CDK5RAP2: variants seen among roughly 807,000 people sequenced by gnomAD.
CDK5RAP2 encodes the protein CDK5 regulatory subunit-associated protein 2.
A neutral mutation model predicts 232.9 loss-of-function variants in CDK5RAP2; 147 were observed. The observed-to-expected ratio is 0.63, with a 90% confidence interval of 0.55 to 0.72. The LOEUF (loss-of-function observed/expected upper bound fraction) is 0.72, where lower values mean the gene tolerates loss of function less well. Ranked by LOEUF, CDK5RAP2 falls within the 30% of genes least tolerant of loss-of-function variation. The pLI, the probability that CDK5RAP2 is intolerant of heterozygous loss-of-function variation, is 0.00. For missense variants in CDK5RAP2, 2,195 were observed against 2,231.5 expected (o/e 0.98, Z 0.33); for synonymous variants, 833 against 833.7 (o/e 1.00, Z 0.01).
chr9:120,419,901 G>A lies in CDK5RAP2; in HGVS notation c.4064C>T (p.Ala1355Val). 6.2e-7 allele frequency: 1 copy of A among 1,613,726 alleles called. No individual in the cohort carries two copies. Among genetic ancestry groups the A allele is most frequent in the South Asian group, 1.1e-5 (1 of 91,066 alleles). Residue 1355 changes from alanine to valine, a missense_variant, in exon 27 of 38, where the codon GCC becomes GTC. Coordinates refer to ENST00000349780, the MANE Select transcript of CDK5RAP2 (RefSeq NM_018249.6). ...HLLPESPEPS[A>V]SHALSDYETS... ...TTCATAATCAGAGAGCGCATGAGAG[G>A]CTGAAGGCTCAGGAGATTCAGGCAG... is the stretch of plus-strand genomic sequence containing the variant.
At chr9:120,518,212 A>T (rs10818458) in intron 12 of CDK5RAP2, among the ~76,000 whole-genome samples, 2,857 of 31,728 alleles carry the variant, frequency 0.09, 12 homozygotes, top group African/African-American at 0.12. Flanking sequence ...TGTGTGTGTG[A>T]GAGAGAGAGA....
At chr9:120,542,298 A>G (rs1467311794) in intron 5 of CDK5RAP2, among the ~76,000 whole-genome samples, 1 of 152,154 alleles carries the variant, frequency 6.6e-6, no homozygotes, top group Non-Finnish European at 1.5e-5. Flanking sequence ...TGAGGTCAGG[A>G]GTTTGAGACC....
chr9:120,535,568 A>G (rs116080698), intron 7 of CDK5RAP2, among the ~76,000 whole-genome samples: 1,870 of 152,376 alleles, frequency 0.012, 41 homozygotes, highest in African/African-American at 0.042. Flanking sequence ...GATAGGTCAC[A>G]GGTTAGCCAG....
chr9:120,470,090 T>C (rs761238595), intron 17 of CDK5RAP2, 21 bp downstream of exon 17: 20 of 1,217,274 alleles, frequency 1.6e-5, no homozygotes, highest in Non-Finnish European at 2.3e-5. Context: ...AGAAAAGCAC[T>C]AAAAATTAAT....
chr9:120,521,322 T>C (rs1461302827), intron 11 of CDK5RAP2, among the ~76,000 whole-genome samples: 1 of 152,166 alleles, frequency 6.6e-6, no homozygotes, highest in Admixed American at 6.5e-5. Context: ...TCAAATATCT[T>C]GCCCAAGGTT....
chr9:120,518,242 A>AGC (rs2040451408), intron 12 of CDK5RAP2, among the ~76,000 whole-genome samples, 185 bp downstream of exon 12: 1 of 148,304 alleles, frequency 6.7e-6, no homozygotes, highest in African/African-American at 2.5e-5. Context: ...AGAGAGAGAG[A>AGC]GCGAGGAGAA....
At chr9:120,433,581 T>C (rs899312129) in intron 25 of CDK5RAP2, among the ~76,000 whole-genome samples, 1 of 152,246 alleles carries the variant, frequency 6.6e-6, no homozygotes, top group African/African-American at 2.4e-5. Context: ...AATGACTGCA[T>C]TCTTCACTAC....
intron 19 of CDK5RAP2, among the ~76,000 whole-genome samples, chr9:120,460,259 A>G (rs1014922365): frequency 6.6e-6 from 1 of 152,214 alleles, no homozygotes; most frequent in Non-Finnish European, 1.5e-5. Flanking sequence ...TCAGTTTCTA[A>G]TTCATAAAAT....
intron 12 of CDK5RAP2, among the ~76,000 whole-genome samples, chr9:120,511,733 T>A (rs1055793425): frequency 6.8e-6 from 1 of 147,280 alleles, no homozygotes; most frequent in African/African-American, 2.5e-5. Context: ...TATCACAACA[T>A]GCTTTTTTTT....
rs765512094 is a variant in CDK5RAP2 at position 120,437,328 on chromosome 9, G to A, written c.3922C>T (p.Leu1308=). 6.2e-7 allele frequency: 1 copy of A among 1,613,948 alleles called. No homozygotes were observed. The change falls in exon 25 of 38, where the codon CTG becomes TTG. Residue 1308 remains leucine (L), a synonymous_variant. Coordinates refer to ENST00000349780, the MANE Select transcript of CDK5RAP2 (RefSeq NM_018249.6). ...FQEQLNQCAE[L]LEKLEKLFLN... ...AATAGCTTTTCCAATTTCTCCAGCA[G>A]CTCAGCACATTGATTCAGCTGTTCC... is the stretch of plus-strand genomic sequence containing the variant.
At chr9:120,563,491 C>A (rs546871428) in intron 3 of CDK5RAP2, among the ~76,000 whole-genome samples, 1 of 152,336 alleles carries the variant, frequency 6.6e-6, no homozygotes, top group South Asian at 2.1e-4. Context: ...TGGATTAGAG[C>A]AGACAGACAT....
chr9:120,527,894 C>T lies in CDK5RAP2; in HGVS notation c.911G>A (p.Arg304Lys). The T allele has an allele frequency of 6.2e-7, 1 of 1,613,864 alleles. No homozygotes were observed. Among genetic ancestry groups the T allele is most frequent in the South Asian group, 1.1e-5 (1 of 91,084 alleles). The stretch of plus-strand genomic sequence containing the variant: ...ATTTTTCTTCTCTGTAGCAATTTCT[C>T]TTTCCTTCTCTCTCAGGTCCTCTTC... ...ALEEDLREKE[R>K]EIATEKKNSL... Residue 304 changes from arginine to lysine, a missense_variant, in exon 10 of 38, where the codon AGA becomes AAA. By Grantham distance (26) the Arg-to-Lys change is conservative. Coordinates refer to ENST00000349780, the MANE Select transcript of CDK5RAP2 (RefSeq NM_018249.6).
intron 23 of CDK5RAP2, among the ~76,000 whole-genome samples, chr9:120,442,740 T>A (rs1442660435): frequency 2.6e-5 from 4 of 152,106 alleles, no homozygotes; most frequent in Non-Finnish European, 4.4e-5. Flanking sequence ...CCTGGTAGAG[T>A]AGCTTTCTCC....
chr9:120,417,157 G>A (rs1413524806), intron 27 of CDK5RAP2, among the ~76,000 whole-genome samples: 1 of 151,496 alleles, frequency 6.6e-6, no homozygotes, highest in Non-Finnish European at 1.5e-5. Context: ...CCACGGCACT[G>A]CACCTCCCCA....
At chr9:120,469,542 C>A (rs1424694693) in intron 17 of CDK5RAP2, among the ~76,000 whole-genome samples, 1 of 152,164 alleles carries the variant, frequency 6.6e-6, no homozygotes, top group Admixed American at 6.5e-5. Context: ...GAATGTTTTT[C>A]AGAACCTTGA....
intron 3 of CDK5RAP2, among the ~76,000 whole-genome samples, chr9:120,552,810 T>G (rs893138339): frequency 1.3e-5 from 2 of 151,698 alleles, no homozygotes; most frequent in Non-Finnish European, 2.9e-5. Flanking sequence ...AACCTGCACA[T>G]TGTGCACATG....
chr9:120,493,964 T>C (rs1170397073), intron 12 of CDK5RAP2, among the ~76,000 whole-genome samples: 1 of 151,922 alleles, frequency 6.6e-6, no homozygotes. Context: ...TGGTGGCACA[T>C]GCCAATAATC....
intron 25 of CDK5RAP2, among the ~76,000 whole-genome samples, chr9:120,423,341 A>G (rs1014169159): frequency 2.0e-5 from 3 of 152,210 alleles, no homozygotes; most frequent in Non-Finnish European, 2.9e-5. Flanking sequence ...TTTTATAAAC[A>G]AATAAAATAA....
intron 12 of CDK5RAP2, among the ~76,000 whole-genome samples, chr9:120,493,306 GGT>G (rs2038997174): frequency 6.6e-6 from 1 of 152,172 alleles, no homozygotes; most frequent in Admixed American, 6.5e-5. Flanking sequence ...CCAAGTTTGT[GGT>G]AATTTGTTGC....
Sources: gnomAD v4.1 joint callset for allele counts (sites outside exome capture counted in the v4.1 genomes callset) on GRCh38, gnomAD v4.1.1 for gene constraint, MANE v1.5 for transcripts, NCBI Gene and HGNC (gene_info 2026-07-23, HGNC 2026-07-21) for gene names.